The following PIAS4 variants were observed in gnomAD, a reference collection of about 807,000 sequenced individuals.
PIAS4 encodes protein inhibitor of activated STAT 4.
A neutral mutation model predicts 58.0 loss-of-function variants in PIAS4; 7 were observed. The ratio of observed to expected loss-of-function variants is 0.12; its 90% confidence interval spans 0.07 to 0.23. The LOEUF (loss-of-function observed/expected upper bound fraction) is 0.23. Among genes scored for constraint, PIAS4 ranks in the 10% least tolerant of loss-of-function variants. The pLI, the probability that PIAS4 is intolerant of heterozygous loss-of-function variation, is 1.00. For synonymous variants in PIAS4, 364 were observed against 312.4 expected, an observed-to-expected ratio of 1.17 and a Z score of -1.74; for missense variants, 550 against 709.5, an observed-to-expected ratio of 0.78 and a Z score of 2.55.
In PIAS4 at chr19:4,038,240, G is replaced by A. The variant is rs887187371; in HGVS notation, c.*365G>A. 1.3e-4 allele frequency: 31 copies of A among 235,356 alleles called. No homozygotes were observed. In the East Asian group the frequency reaches 1.5e-3, roughly 11 times the overall value. The allele number at this position is 235,356 out of a possible 1,614,324, so 14.6% of individuals were successfully genotyped here. ...CTCCCCTCCGGATGCCCCGCCGCCC[G>A]CCGCCCTCTGCCCACGACCATTCCA... On this transcript the variant is annotated 3_prime_UTR_variant, in exon 11 of 11. Coordinates refer to ENST00000262971, the MANE Select transcript of PIAS4 (RefSeq NM_015897.4). This position sits in a 1 kb window ranked among gnomAD's most constrained non-coding sequence, Gnocchi z 4.1.
At position 4,036,646 on chromosome 19, in the gene PIAS4, T is replaced by C. The variant is rs199884540; in HGVS notation, c.1143-728T>C. 4.4e-4 allele frequency among the ~76,000 whole-genome samples: 55 copies of C among 125,176 alleles called. 2 individuals are homozygous for C. The South Asian group carries it at 5.5e-3, about 13-fold the overall frequency. 82.1% of individuals were successfully genotyped at this position (125,176 alleles called of 152,430 possible). ...CGTCTCACATCTATACAGTCCACACTGTCATACACACACATCTATACAGTC... is the reference window on the plus strand; with the variant it reads ...CGTCTCACATCTATACAGTCCACACCGTCATACACACACATCTATACAGTC... On this transcript the variant is annotated intron_variant, in intron 9 of 10. Coordinates refer to ENST00000262971, the MANE Select transcript of PIAS4 (RefSeq NM_015897.4).
rs988842600 is a variant in PIAS4 at position 4,037,181 on chromosome 19, G to A, written c.1143-193G>A. Among the ~76,000 whole-genome samples, 14 of 152,218 alleles carry A rather than the reference G, an allele frequency of 9.2e-5. No individual in the cohort carries two copies. Among genetic ancestry groups the A allele is most frequent in the African/African-American group, 2.2e-4 (9 of 41,456 alleles). On this transcript the variant is annotated intron_variant, in intron 9 of 10. Coordinates refer to ENST00000262971, the MANE Select transcript of PIAS4 (RefSeq NM_015897.4). This position sits in a 1 kb window ranked among gnomAD's most constrained non-coding sequence, Gnocchi z 5.8. ...GCCGTGCACTGCAGACCTGCCTGGG[G>A]CTCAGCACCTGCAGGGGCCTGAGGG...
chr19:4,017,752 T>C (rs2040067163), intron 2 of PIAS4: 1 of 147,644 alleles, frequency 6.8e-6, no homozygotes, highest in African/African-American at 2.5e-5. Context: ...CGATCTTGGC[T>C]TACTACAGCC....
At chr19:4,030,435 T>G (rs1308266084) in intron 7 of PIAS4, among the ~76,000 whole-genome samples, 1 of 151,814 alleles carries the variant, frequency 6.6e-6, no homozygotes, top group Non-Finnish European at 1.5e-5. Context: ...CTGGCTAATA[T>G]GGTGAAACCC....
chr19:4,009,671 A>T (rs553413750), intron 1 of PIAS4, among the ~76,000 whole-genome samples: 8 of 152,002 alleles, frequency 5.3e-5, no homozygotes, highest in African/African-American at 1.9e-4. Flanking sequence ...TTTCTCCTTG[A>T]GTCTGTTGCT....
intron 1 of PIAS4, among the ~76,000 whole-genome samples, chr19:4,009,234 C>T (rs1215156883): frequency 6.6e-6 from 1 of 152,062 alleles, no homozygotes; most frequent in East Asian, 1.9e-4. Flanking sequence ...GATCTGAAAA[C>T]ACAGCACTCA....
At chr19:4,020,642 T>C (rs1007399885) in intron 2 of PIAS4, among the ~76,000 whole-genome samples, 1 of 152,242 alleles carries the variant, frequency 6.6e-6, no homozygotes, top group Non-Finnish European at 1.5e-5. Flanking sequence ...TATTTTTTAA[T>C]GTAGACACAG....
chr19:4,035,761 C>T (rs2040269102), intron 9 of PIAS4, among the ~76,000 whole-genome samples: 2 of 115,464 alleles, frequency 1.7e-5, no homozygotes, highest in Non-Finnish European at 3.8e-5. Context: ...ATCACACACA[C>T]ACACCCACAC....
rs1555690298 is a variant in PIAS4, at chr19:4,036,593, T to TACAA, written c.1143-778_1143-777insAACA. 1.8e-4 allele frequency among the ~76,000 whole-genome samples: 20 copies of TACAA among 112,376 alleles called. 2 individuals carry two copies. Among genetic ancestry groups the TACAA allele is most frequent in the African/African-American group, 6.3e-4 (17 of 27,182 alleles). 73.7% of individuals were successfully genotyped at this position (112,376 alleles called of 152,430 possible). On this transcript the variant is annotated intron_variant, in intron 9 of 10. Coordinates refer to ENST00000262971, the MANE Select transcript of PIAS4 (RefSeq NM_015897.4). ...CACATCCATACAGTCCACACCGTCA[T>TACAA]ACACACACACATCTATACAGTCCAC...
intron 1 of PIAS4, among the ~76,000 whole-genome samples, chr19:4,009,567 C>A (rs114471885): frequency 1.5e-3 from 223 of 151,558 alleles, no homozygotes; most frequent in African/African-American, 5.1e-3. Flanking sequence ...TGGCTGGGCC[C>A]CCCCCCACCC....
intron 2 of PIAS4, chr19:4,018,391 C>G (rs1425742470): frequency 6.6e-6 from 1 of 152,358 alleles, no homozygotes; most frequent in Non-Finnish European, 1.5e-5. Context: ...AGCAGCATCT[C>G]GTGAGGCTCC....
intron 7 of PIAS4, among the ~76,000 whole-genome samples, chr19:4,029,983 C>T (rs560442201): frequency 2.6e-5 from 4 of 151,946 alleles, no homozygotes; most frequent in Admixed American, 1.3e-4. Context: ...CCACCATGCC[C>T]GGCTAATTTT....
At chr19:4,023,292 A>G (rs2040129172) in intron 2 of PIAS4, among the ~76,000 whole-genome samples, 2 of 152,132 alleles carry the variant, frequency 1.3e-5, no homozygotes, top group Admixed American at 1.3e-4. Flanking sequence ...CAGCCTGGCC[A>G]ACATGGCGAA....
At position 4,013,581 on chromosome 19, in the gene PIAS4, G is replaced by T. The variant is rs919851170; in HGVS notation, c.454+232G>T. Among the ~76,000 whole-genome samples, 1 of 152,194 alleles carries T rather than the reference G, an allele frequency of 6.6e-6. No homozygotes were observed. Among genetic ancestry groups the T allele is most frequent in the Non-Finnish European group, 1.5e-5 (1 of 68,040 alleles). ...GAAATGGAGCCACTGGAAGCAGGGG[G>T]CGTCTGTTAGCTCTCAGGAACCTGT... On this transcript the variant is annotated intron_variant, in intron 2 of 10. Coordinates refer to ENST00000262971, the MANE Select transcript of PIAS4 (RefSeq NM_015897.4). This position sits in a 1 kb window ranked among gnomAD's most constrained non-coding sequence, Gnocchi z 5.1.
At position 4,013,748 on chromosome 19, in the gene PIAS4, C is replaced by T. The variant is rs2040024230; in HGVS notation, c.454+399C>T. On this transcript the variant is annotated intron_variant, in intron 2 of 10. Coordinates refer to ENST00000262971, the MANE Select transcript of PIAS4 (RefSeq NM_015897.4). The surrounding 1 kb of genome is among the most constrained non-coding windows in gnomAD (Gnocchi z 5.1). The stretch of plus-strand genomic sequence containing the variant: ...GGCAGGCCTCAGCTCCTCGCCAGCT[C>T]TTGGCCACAGTCCCCAGGTCCTCAT... Among the ~76,000 whole-genome samples, 1 of 152,202 alleles carries T rather than the reference C, an allele frequency of 6.6e-6. No homozygotes were observed. The highest frequency in any genetic ancestry group is 2.1e-4 in the South Asian group (1 of 4,828).
At chr19:4,030,657 C>G (rs1454129459) in intron 7 of PIAS4, among the ~76,000 whole-genome samples, 1 of 151,948 alleles carries the variant, frequency 6.6e-6, no homozygotes, top group East Asian at 1.9e-4. Flanking sequence ...GTAGGCAAAT[C>G]AGTCCTCACC....
chr19:4,028,776 C>A lies in PIAS4; in HGVS notation c.729C>A (p.Ile243=). Residue 243 remains isoleucine, a synonymous_variant, in exon 6 of 11, where the codon ATC becomes ATA. Transcript: ENST00000262971. ...GVEPKRPCRP[I]NLTHLMYLSS... ...AGCCCAAGAGGCCGTGCCGCCCCATCAACCTCACCCACCTCATGTACCTGT... is the reference window on the plus strand; with the variant it reads ...AGCCCAAGAGGCCGTGCCGCCCCATAAACCTCACCCACCTCATGTACCTGT... The A allele has an allele frequency of 1.2e-6, 2 of 1,613,570 alleles. No homozygotes were observed. Among genetic ancestry groups the A allele is most frequent in the South Asian group, 1.1e-5 (1 of 91,082 alleles).
chr19:4,037,269 A>C lies in PIAS4; in HGVS notation c.1143-105A>C. 7.2e-7 allele frequency: 1 copy of C among 1,389,906 alleles called. No individual in the cohort carries two copies. Among genetic ancestry groups the C allele is most frequent in the Non-Finnish European group, 9.6e-7 (1 of 1,044,304 alleles). The allele number at this position is 1,389,906 out of a possible 1,614,324, so 86.1% of individuals were successfully genotyped here. On this transcript the variant is annotated intron_variant, in intron 9 of 10. Transcript: ENST00000262971. This position sits in a 1 kb window ranked among gnomAD's most constrained non-coding sequence, Gnocchi z 5.8. ...CGGGGTGGTGAGGCTGCTCTTGCAG[A>C]GAGAAGTGGGGAGTGCCTGGCTGCA...
At chr19:4,025,930 C>T (rs187190393) in intron 3 of PIAS4, among the ~76,000 whole-genome samples, 65 of 151,446 alleles carry the variant, frequency 4.3e-4, no homozygotes, top group African/African-American at 1.5e-3. Context: ...AAAAATTAGC[C>T]GGGTGTGGTG....
Sources: gnomAD v4.1 joint callset for allele counts (sites outside exome capture counted in the v4.1 genomes callset) on GRCh38, gnomAD v4.1.1 for gene constraint, Gnocchi (gnomAD v3.1) non-coding constraint, MANE v1.5 for transcripts, NCBI Gene and HGNC (gene_info 2026-07-23, HGNC 2026-07-21) for gene names.